AMPD1: variants seen among roughly 807,000 people sequenced by gnomAD.
AMPD1 encodes AMP deaminase 1.
A neutral mutation model predicts 82.9 loss-of-function variants in AMPD1; 74 were observed. That is an observed-to-expected ratio of 0.89 (90% CI 0.74 to 1.08). The LOEUF (loss-of-function observed/expected upper bound fraction) is 1.08. Ranked by LOEUF, AMPD1 falls within the 50% of genes least tolerant of loss-of-function variation. The pLI is 0.00. For missense variants in AMPD1, 881 were observed against 924.5 expected, an observed-to-expected ratio of 0.95 and a Z score of 0.61; for synonymous variants, 333 against 320.5, an observed-to-expected ratio of 1.04 and a Z score of -0.42.
rs764950035 is a variant in AMPD1, at chr1:114,677,435, T to C, written c.1304A>G (p.Glu435Gly). 121 of 1,612,314 alleles carry C rather than the reference T, an allele frequency of 7.5e-5. No individual in the cohort carries two copies. The highest frequency in any genetic ancestry group is 1.0e-4 in the Non-Finnish European group (119 of 1,179,724). The change falls in exon 10 of 16, where the codon GAG becomes GGG. Residue 435 changes from glutamate (E) to glycine (G), a missense_variant. Glu to Gly is a moderately conservative substitution (Grantham distance 98). Around this residue, in one of 2 missense-constraint regions of AMPD1, gnomAD observed 783 missense variants for 786.4 expected, o/e 1.00. Transcript: ENST00000520113. Reference sequence around the variant, plus strand: ...GAACCAGGAGGAGAGTTTGCTCCACTCATCAGGACTGCGGCCATAGATGGA... The same window carrying C: ...GAACCAGGAGGAGAGTTTGCTCCACCCATCAGGACTGCGGCCATAGATGGA... ...RLSIYGRSPD[E>G]WSKLSSWFVC...
At position 114,695,503 on chromosome 1, in the gene AMPD1, C is replaced by T. The variant is rs1323721099; in HGVS notation, c.-32G>A. 6.2e-7 allele frequency: 1 copy of T among 1,613,924 alleles called. No individual in the cohort carries two copies. Among genetic ancestry groups the T allele is most frequent in the South Asian group, 1.1e-5 (1 of 91,082 alleles). On this transcript the variant is annotated 5_prime_UTR_variant, in exon 1 of 16. It adds an upstream start codon to the 5' untranslated region. Coordinates refer to ENST00000520113, the MANE Select transcript of AMPD1 (RefSeq NM_000036.3). ...TGAAATCCTTGATTCTAGGATAGCACAGTAGAAAAGAAGAGAGAGGAGACT... is the reference window on the plus strand; with the variant it reads ...TGAAATCCTTGATTCTAGGATAGCATAGTAGAAAAGAAGAGAGAGGAGACT...
At chr1:114,673,590 G>A (rs1259129100) in intron 15 of AMPD1, 49 bp downstream of exon 15, 4 of 1,458,204 alleles carry the variant, frequency 2.7e-6, no homozygotes, top group Non-Finnish European at 3.9e-6. Flanking sequence ...CGGTATTCAA[G>A]TTAGCAGACC....
intron 5 of AMPD1, 62 bp downstream of exon 5, chr1:114,684,137 A>T: frequency 6.6e-7 from 1 of 1,516,816 alleles, no homozygotes; most frequent in East Asian, 2.5e-5. Flanking sequence ...GGCATATTTT[A>T]AATTTAATAT....
At chr1:114,675,367 A>G (rs918659300) in intron 12 of AMPD1, among the ~76,000 whole-genome samples, 163 bp downstream of exon 12, 2 of 152,192 alleles carry the variant, frequency 1.3e-5, no homozygotes, top group African/African-American at 2.4e-5. Flanking sequence ...TCTGCCCCAA[A>G]ATAAATAAAC....
chr1:114,673,342 T>TACAAAAA lies in AMPD1; in HGVS notation c.2086-71_2086-70insTTTTTGT. Reference sequence around the variant, plus strand: ...CCTGGTATAGACAATAATTGCATTCTTTACAAAAATTCCTTCCTTATGTTA... The same window carrying TACAAAAA: ...CCTGGTATAGACAATAATTGCATTCTACAAAAATTACAAAAATTCCTTCCTTATGTTA... On this transcript the variant is annotated intron_variant, in intron 15 of 15. Coordinates refer to ENST00000520113, the MANE Select transcript of AMPD1 (RefSeq NM_000036.3). 5.1e-6 allele frequency: 8 copies of TACAAAAA among 1,560,742 alleles called. 1 individual carries two copies. The South Asian group carries it at 9.1e-5, about 18-fold the overall frequency.
intron 2 of AMPD1, among the ~76,000 whole-genome samples, chr1:114,690,533 A>G (rs902841515): frequency 3.3e-5 from 5 of 152,226 alleles, no homozygotes; most frequent in African/African-American, 1.2e-4. Flanking sequence ...CAAAGTTAAC[A>G]GAGAAGCCCA....
intron 2 of AMPD1, among the ~76,000 whole-genome samples, chr1:114,691,949 T>A (rs1306925040): frequency 6.6e-6 from 1 of 151,726 alleles, no homozygotes; most frequent in East Asian, 1.9e-4. Flanking sequence ...AAATTAAAAT[T>A]AAAAAAAGAA....
At chr1:114,682,769 G>A (rs1179596412) in intron 5 of AMPD1, among the ~76,000 whole-genome samples, 3 of 152,006 alleles carry the variant, frequency 2.0e-5, no homozygotes, top group Non-Finnish European at 4.4e-5. Context: ...TAGTAGAGAC[G>A]GGGTTTCACC....
intron 7 of AMPD1, 27 bp downstream of exon 7, chr1:114,679,552 T>C: frequency 6.2e-7 from 1 of 1,613,492 alleles, no homozygotes; most frequent in Non-Finnish European, 8.5e-7. Context: ...TGCCCAGGAA[T>C]TACCCCTGAG....
chr1:114,681,508 T>C (rs1658157347), intron 5 of AMPD1, among the ~76,000 whole-genome samples: 1 of 127,454 alleles, frequency 7.8e-6, no homozygotes, highest in Non-Finnish European at 1.6e-5. Context: ...GGTAGGAGAG[T>C]CTCTTGAACC....
At chr1:114,683,413 A>G (rs1389411711) in intron 5 of AMPD1, among the ~76,000 whole-genome samples, 1 of 152,128 alleles carries the variant, frequency 6.6e-6, no homozygotes, top group Non-Finnish European at 1.5e-5. Flanking sequence ...AGAGAAAGTA[A>G]GTTCAGAAAT....
chr1:114,693,340 C>T, intron 2 of AMPD1, 96 bp downstream of exon 2: 1 of 1,228,788 alleles, frequency 8.1e-7, no homozygotes, highest in South Asian at 1.2e-5. Context: ...TTAATAAACA[C>T]TGCTGAAAAA....
At chr1:114,674,912 G>A in intron 12 of AMPD1, 40 bp from the exon 13 acceptor site, 1 of 1,613,444 alleles carries the variant, frequency 6.2e-7, no homozygotes, top group Non-Finnish European at 8.5e-7. Context: ...CAGGTTCTGG[G>A]TATGGAGTGA....
chr1:114,676,213 A>G (rs1189372525), intron 10 of AMPD1: 3 of 555,546 alleles, frequency 5.4e-6, no homozygotes, highest in Admixed American at 6.2e-5. Context: ...TTTTTGGTGG[A>G]CCCTATGTCC....
At chr1:114,694,217 A>T (rs1196123182) in intron 1 of AMPD1, among the ~76,000 whole-genome samples, 1 of 151,838 alleles carries the variant, frequency 6.6e-6, no homozygotes, top group Non-Finnish European at 1.5e-5. Flanking sequence ...CTCTGTCTCT[A>T]AAAAAACAAA....
intron 3 of AMPD1, among the ~76,000 whole-genome samples, chr1:114,687,598 G>T (rs1658358861): frequency 6.6e-6 from 1 of 152,126 alleles, no homozygotes; most frequent in African/African-American, 2.4e-5. Flanking sequence ...GACCTAAGGA[G>T]GGGGTTCCAG....
At chr1:114,675,847 CA>C (rs1657966323) in intron 11 of AMPD1, 29 bp downstream of exon 11, 1 of 1,613,940 alleles carries the variant, frequency 6.2e-7, no homozygotes, top group South Asian at 1.1e-5. Context: ...TCATGAGCAG[CA>C]GTATGAAGGC....
At position 114,673,666 on chromosome 1, in the gene AMPD1, A is replaced by G. The variant is rs764256197; in HGVS notation, c.2058T>C (p.Ser686=). The change falls in exon 15 of 16, where the codon AGT becomes AGC. Residue 686 remains serine, a synonymous_variant. Transcript: ENST00000520113. The part of the protein sequence containing the change: ...TCDMCEVARN[S]VLQCGISHEE... ...CATGAGAAATTCCACACTGCAAGACACTGTTCCTTGCCACTTCGCACATAT... is the reference window on the plus strand; with the variant it reads ...CATGAGAAATTCCACACTGCAAGACGCTGTTCCTTGCCACTTCGCACATAT... 8 of 1,613,938 alleles carry G rather than the reference A, an allele frequency of 5.0e-6. No individual in the cohort carries two copies. The highest frequency in any genetic ancestry group is 1.7e-5 in the Admixed American group (1 of 60,000).
At chr1:114,691,504 G>A (rs1481970246) in intron 2 of AMPD1, among the ~76,000 whole-genome samples, 1 of 152,206 alleles carries the variant, frequency 6.6e-6, no homozygotes, top group Admixed American at 6.5e-5. Context: ...GAAGGTTGAG[G>A]CTGCAGTAAG....
Sources: gnomAD v4.1 joint callset for allele counts (sites outside exome capture counted in the v4.1 genomes callset) on GRCh38, gnomAD v4.1.1 for gene constraint, gnomAD v4.1.1 regional missense constraint, MANE v1.5 for transcripts, NCBI Gene and HGNC (gene_info 2026-07-23, HGNC 2026-07-21) for gene names.